PLAAT1: variants seen among roughly 807,000 people sequenced by gnomAD.
The protein encoded by PLAAT1 is phospholipase A and acyltransferase 1.
Under a neutral mutation model 16.4 loss-of-function variants are expected in PLAAT1, and 13 were observed. The observed-to-expected ratio is 0.79, with a 90% confidence interval of 0.52 to 1.26. The LOEUF (loss-of-function observed/expected upper bound fraction) is 1.26, where lower values mean the gene tolerates loss of function less well. PLAAT1 is among the 50% of genes most tolerant of loss of function. The pLI, the probability that PLAAT1 is intolerant of heterozygous loss-of-function variation, is 0.00. For synonymous variants in PLAAT1, 73 were observed against 78.4 expected (o/e 0.93, Z 0.36); for missense variants, 218 against 207.8 (o/e 1.05, Z -0.30).
At chr3:193,278,207 C>T (rs986395946), downstream of PLAAT1, among the ~76,000 whole-genome samples, 1 of 152,218 alleles carries the variant, frequency 6.6e-6, no homozygotes, top group Non-Finnish European at 1.5e-5. Flanking sequence ...ACCAAACTCA[C>T]TCTGGAGCTT....
chr3:193,271,863 C>A (rs1323410266), downstream of PLAAT1, among the ~76,000 whole-genome samples: 1 of 152,190 alleles, frequency 6.6e-6, no homozygotes, highest in Non-Finnish European at 1.5e-5. Context: ...AAATACTCAA[C>A]AAGCTAACTG....
intron 3 of PLAAT1, among the ~76,000 whole-genome samples, chr3:193,267,102 T>C (rs551746565): frequency 1.3e-5 from 2 of 152,232 alleles, no homozygotes; most frequent in African/African-American, 4.8e-5. Flanking sequence ...AAGCTGAAAG[T>C]ATAGAACTCT....
chr3:193,258,524 A>T (rs1021642382), intron 2 of PLAAT1, among the ~76,000 whole-genome samples: 5 of 152,144 alleles, frequency 3.3e-5, no homozygotes, highest in African/African-American at 1.2e-4. Context: ...TTAACAAAGG[A>T]AAAAAGATCC....
intron 1 of PLAAT1, among the ~76,000 whole-genome samples, chr3:193,243,401 C>T (rs1715855296): frequency 1.3e-5 from 2 of 152,214 alleles, no homozygotes; most frequent in Non-Finnish European, 2.9e-5. Flanking sequence ...TAGAGATATT[C>T]TAACCTCACC....
chr3:193,244,795 T>G (rs964796751), intron 1 of PLAAT1, among the ~76,000 whole-genome samples: 1 of 152,102 alleles, frequency 6.6e-6, no homozygotes, highest in African/African-American at 2.4e-5. Context: ...AGGTCTCTCT[T>G]CCTGTGATAA....
At chr3:193,271,682 G>A (rs150482475), downstream of PLAAT1, among the ~76,000 whole-genome samples, 119 of 152,206 alleles carry the variant, frequency 7.8e-4, no homozygotes, top group African/African-American at 2.6e-3. Context: ...AATGACATCC[G>A]TCTTATGCTA....
chr3:193,255,608 G>A (rs62287596), intron 1 of PLAAT1, 43 bp from the exon 2 acceptor site: 2 of 1,552,068 alleles, frequency 1.3e-6, no homozygotes, highest in East Asian at 4.6e-5. Context: ...TTTTCTTTTG[G>A]CAAGTTGTAT....
chr3:193,273,635 C>T (rs1225070628), downstream of PLAAT1, among the ~76,000 whole-genome samples: 1 of 152,090 alleles, frequency 6.6e-6, no homozygotes, highest in African/African-American at 2.4e-5. Flanking sequence ...GTTAAATTAG[C>T]AAAATCAGAT....
chr3:193,279,350 A>G (rs747098461), downstream of PLAAT1: 10 of 1,597,820 alleles, frequency 6.3e-6, no homozygotes, highest in South Asian at 6.6e-5. Flanking sequence ...CAGATGTGCA[A>G]ATGAATGCCA....
chr3:193,275,982 T>C (rs1717180559), intron 2 of PLAAT1, among the ~76,000 whole-genome samples: 1 of 152,172 alleles, frequency 6.6e-6, no homozygotes, highest in African/African-American at 2.4e-5. Context: ...ACAAACAGCA[T>C]CTCAACAACA....
At chr3:193,265,273 G>T (rs1255706000) in intron 3 of PLAAT1, among the ~76,000 whole-genome samples, 3 of 152,240 alleles carry the variant, frequency 2.0e-5, no homozygotes, top group Middle Eastern at 3.4e-3. Flanking sequence ...ACAAAATGGG[G>T]TATATCCATA....
intron 3 of PLAAT1, among the ~76,000 whole-genome samples, chr3:193,263,724 A>G (rs1384564948): frequency 6.6e-6 from 1 of 152,184 alleles, no homozygotes; most frequent in East Asian, 1.9e-4. Context: ...GCTAATTTCA[A>G]TGAAATTTTG....
intron 3 of PLAAT1, among the ~76,000 whole-genome samples, chr3:193,268,632 T>G (rs945475345): frequency 2.0e-5 from 3 of 152,216 alleles, no homozygotes; most frequent in Admixed American, 6.5e-5. Context: ...CCCAATTACA[T>G]GAGATTCATT....
chr3:193,260,568 T>G (rs1716547581), intron 2 of PLAAT1, among the ~76,000 whole-genome samples: 2 of 152,116 alleles, frequency 1.3e-5, no homozygotes, highest in Admixed American at 1.3e-4. Flanking sequence ...AAAGAAGACA[T>G]TCAGGCAACC....
At chr3:193,274,411 G>A (rs1471378731), downstream of PLAAT1, among the ~76,000 whole-genome samples, 2 of 152,162 alleles carry the variant, frequency 1.3e-5, no homozygotes, top group Non-Finnish European at 2.9e-5. Flanking sequence ...CCAAACTTTG[G>A]TGGAATTTGC....
In PLAAT1 at chr3:193,241,291, G is replaced by C. The variant is rs938814591; in HGVS notation, c.-243G>C. 5 of 1,230,570 alleles carry C rather than the reference G, an allele frequency of 4.1e-6. No individual in the cohort carries two copies. The highest frequency in any genetic ancestry group is 4.1e-6 in the Non-Finnish European group (4 of 987,300). The allele number at this position is 1,230,570 out of a possible 1,614,324, so 76.2% of individuals were successfully genotyped here. On this transcript the variant is annotated 5_prime_UTR_variant, in exon 1 of 4. Coordinates refer to ENST00000264735, the MANE Select transcript of PLAAT1 (RefSeq NM_020386.5). ...AGCGCGTCGGCCCCCCGGCGTGCGG[G>C]CGTCTCAGAGCCGCGGAGGGGCCGC...
downstream of PLAAT1, chr3:193,274,856 G>A (rs1166913008): frequency 6.8e-6 from 5 of 737,858 alleles, no homozygotes; most frequent in Non-Finnish European, 1.1e-5. Flanking sequence ...TCTCTCATTG[G>A]TAAAGCATAC....
chr3:193,261,560 A>G (rs1716585794), intron 2 of PLAAT1, among the ~76,000 whole-genome samples: 1 of 152,176 alleles, frequency 6.6e-6, no homozygotes, highest in Non-Finnish European at 1.5e-5. Flanking sequence ...AAAATGACAA[A>G]TAAAATGATA....
At chr3:193,267,056 A>G (rs1187219753) in intron 3 of PLAAT1, among the ~76,000 whole-genome samples, 1 of 152,052 alleles carries the variant, frequency 6.6e-6, no homozygotes, top group East Asian at 1.9e-4. Flanking sequence ...AATAGATTCA[A>G]TTTTCTAGAG....
Sources: allele counts gnomAD v4.1 joint callset (sites outside exome capture counted in the v4.1 genomes callset), GRCh38; gene constraint gnomAD v4.1.1; transcripts MANE v1.5; gene names NCBI Gene and HGNC (gene_info 2026-07-23, HGNC 2026-07-21).